CNTNAP2: variants seen among roughly 807,000 people sequenced by gnomAD.
CNTNAP2 encodes the protein contactin associated protein 2.
In CNTNAP2, 98 loss-of-function variants were observed where a neutral mutation model predicts 155.2. The ratio of observed to expected loss-of-function variants is 0.63; its 90% CI spans 0.54 to 0.75. The LOEUF (loss-of-function observed/expected upper bound fraction) is 0.75, where lower values mean the gene tolerates loss of function less well. Ranked by LOEUF, CNTNAP2 falls within the 30% of genes least tolerant of loss-of-function variation. CNTNAP2 has a pLI of 0.00. For synonymous variants in CNTNAP2, 651 were observed against 631.2 expected, an observed-to-expected ratio of 1.03 and a Z score of -0.47; for missense variants, 1,727 against 1,688.1, an observed-to-expected ratio of 1.02 and a Z score of -0.40.
At chr7:147,077,840 T>C (rs551932995) in intron 4 of CNTNAP2, among the ~76,000 whole-genome samples, 1 of 152,170 alleles carries the variant, frequency 6.6e-6, no homozygotes, top group Non-Finnish European at 1.5e-5. Context: ...ATATAGCAAG[T>C]ACTATATAAA....
intron 15 of CNTNAP2, among the ~76,000 whole-genome samples, chr7:147,997,685 G>T (rs1403973944): frequency 1.3e-5 from 2 of 152,206 alleles, no homozygotes; most frequent in Admixed American, 6.5e-5. Context: ...AGAGAGAGGA[G>T]TCAGGGTGGG....
chr7:146,368,798 T>C (rs1036077868), intron 1 of CNTNAP2, among the ~76,000 whole-genome samples: 6 of 151,276 alleles, frequency 4.0e-5, no homozygotes, highest in African/African-American at 7.3e-5. Flanking sequence ...TGCCAAGAAG[T>C]ATGGTAACAA....
At chr7:147,108,402 G>A (rs1554439087) in intron 5 of CNTNAP2, 52 bp downstream of exon 5, 2 of 1,458,430 alleles carry the variant, frequency 1.4e-6, no homozygotes, top group South Asian at 2.5e-5. Context: ...TTCCCATTAG[G>A]AATATGTTCA....
chr7:147,637,202 C>T (rs1178467463), intron 12 of CNTNAP2, among the ~76,000 whole-genome samples: 2 of 152,122 alleles, frequency 1.3e-5, no homozygotes, highest in African/African-American at 4.8e-5. Flanking sequence ...TTTGAAAAAC[C>T]TCACCCTGAC....
chr7:147,483,491 A>G (rs1161624303), intron 10 of CNTNAP2, among the ~76,000 whole-genome samples: 1 of 152,080 alleles, frequency 6.6e-6, no homozygotes, highest in Non-Finnish European at 1.5e-5. Flanking sequence ...TATCATCGAG[A>G]TGATTTTCTA....
intron 9 of CNTNAP2, among the ~76,000 whole-genome samples, chr7:147,301,600 G>C (rs1442689327): frequency 0.11 from 3,123 of 27,776 alleles, 62 homozygotes; most frequent in African/African-American, 0.25. Flanking sequence ...CTCTGTGTGT[G>C]TGTGTGTGTG....
At chr7:147,347,879 T>C (rs997168616) in intron 9 of CNTNAP2, among the ~76,000 whole-genome samples, 3 of 152,056 alleles carry the variant, frequency 2.0e-5, no homozygotes, top group African/African-American at 7.2e-5. Flanking sequence ...TTAATCTACA[T>C]GTCTATACAG....
In CNTNAP2 at chr7:148,418,089, A is replaced by G. The variant is rs1228141944; in HGVS notation, c.*2473A>G. On this transcript the variant is annotated 3_prime_UTR_variant, in exon 24 of 24. Transcript: ENST00000361727. ...CAGGAAACCAAACGGTGGATAAAGT[A>G]TTAAGTAACTAAGTGCCAAATAAAT... 6.6e-6 allele frequency: 1 copy of G among 152,254 alleles called. No homozygotes were observed. Among genetic ancestry groups the G allele is most frequent in the Non-Finnish European group, 1.5e-5 (1 of 68,052 alleles). 9.4% of individuals were successfully genotyped at this position (152,254 alleles called of 1,614,324 possible).
At chr7:147,869,495 G>C (rs1799291629) in intron 13 of CNTNAP2, among the ~76,000 whole-genome samples, 1 of 152,118 alleles carries the variant, frequency 6.6e-6, no homozygotes, top group Non-Finnish European at 1.5e-5. Flanking sequence ...CAGACAAAGT[G>C]AAAAAGAAAT....
chr7:146,655,828 G>A (rs1260779336), intron 1 of CNTNAP2, among the ~76,000 whole-genome samples: 2 of 152,100 alleles, frequency 1.3e-5, no homozygotes, highest in Non-Finnish European at 2.9e-5. Flanking sequence ...ATCCTCATAA[G>A]ACCAGTATTC....
In CNTNAP2 at chr7:147,804,546, G is replaced by GTTT. The variant is rs112502971; in HGVS notation, c.2099-99014_2099-99012dup. ...CACCCACTCTCTTGCTTCAGTTTTT[G>GTTT]TTTTTTTGTTTGTTTGTTTTATTTT... On this transcript the variant is annotated intron_variant, in intron 13 of 23. Coordinates refer to ENST00000361727, the MANE Select transcript of CNTNAP2 (RefSeq NM_014141.6). Among the ~76,000 whole-genome samples, 6 of 141,798 alleles carry GTTT rather than the reference G, an allele frequency of 4.2e-5. 1 individual carries two copies. The South Asian group carries it at 6.3e-4, about 15-fold the overall frequency. 93.0% of individuals were successfully genotyped at this position (141,798 alleles called of 152,430 possible).
At chr7:148,173,038 C>T (rs1181102810) in intron 18 of CNTNAP2, among the ~76,000 whole-genome samples, 2 of 152,206 alleles carry the variant, frequency 1.3e-5, no homozygotes, top group Non-Finnish European at 2.9e-5. Flanking sequence ...TGCAGAAATG[C>T]TGAAAAACCA....
chr7:148,058,907 AG>A, intron 15 of CNTNAP2, among the ~76,000 whole-genome samples: 1 of 152,282 alleles, frequency 6.6e-6, no homozygotes, highest in East Asian at 1.9e-4. Flanking sequence ...AGGGGCACAC[AG>A]GGGGTGTCTG....
In CNTNAP2 at chr7:147,319,380, ATGT is replaced by A. The variant is rs200479199; in HGVS notation, c.1498+19092_1498+19094del. ...TTTCCTTTGCACTTATATATAAGTA[ATGT>A]TATTTTGTTTTAAGACAACAGTCTC... is the stretch of plus-strand genomic sequence containing the variant. On this transcript the variant is annotated intron_variant, in intron 9 of 23. Coordinates refer to ENST00000361727, the MANE Select transcript of CNTNAP2 (RefSeq NM_014141.6). 4.2e-4 allele frequency among the ~76,000 whole-genome samples: 64 copies of A among 152,138 alleles called. No individual in the cohort carries two copies. In the East Asian group the frequency reaches 0.012, roughly 28 times the overall value.
At position 146,486,444 on chromosome 7, in the gene CNTNAP2, C is replaced by CA. The variant is rs571992971; in HGVS notation, c.98-287820dup. ...TAATCATGCTAGGGTTGTTTTAAAG[C>CA]AAAAAAATAAAAAGTTATCTGAGAC... On this transcript the variant is annotated intron_variant, in intron 1 of 23. Transcript: ENST00000361727. Among the ~76,000 whole-genome samples the CA allele has an allele frequency of 9.9e-5, 15 of 151,790 alleles. No individual in the cohort carries two copies. The South Asian group carries it at 1.7e-3, about 17-fold the overall frequency.
At chr7:147,035,515 A>G (rs546625651) in intron 3 of CNTNAP2, among the ~76,000 whole-genome samples, 1 of 152,306 alleles carries the variant, frequency 6.6e-6, no homozygotes, top group Admixed American at 6.5e-5. Context: ...AGAATAGTCA[A>G]TATGTGTTTC....
At chr7:147,767,896 T>A (rs1348179114) in intron 13 of CNTNAP2, among the ~76,000 whole-genome samples, 1 of 152,132 alleles carries the variant, frequency 6.6e-6, no homozygotes, top group East Asian at 1.9e-4. Context: ...AAGGAGATTA[T>A]GTTTTTTCTA....
intron 1 of CNTNAP2, among the ~76,000 whole-genome samples, chr7:146,163,777 A>G (rs1584781456): frequency 1.3e-5 from 2 of 152,030 alleles, no homozygotes; most frequent in Non-Finnish European, 2.9e-5. Flanking sequence ...GTGTGTTTGT[A>G]AGGAAGAGGG....
chr7:147,616,737 T>G (rs1801301436), intron 12 of CNTNAP2, among the ~76,000 whole-genome samples: 1 of 152,052 alleles, frequency 6.6e-6, no homozygotes, highest in Non-Finnish European at 1.5e-5. Flanking sequence ...TGTTAGATAT[T>G]TGTTTGTTTT....
Sources: gnomAD v4.1 joint callset for allele counts (sites outside exome capture counted in the v4.1 genomes callset) on GRCh38, gnomAD v4.1.1 for gene constraint, MANE v1.5 for transcripts, NCBI Gene and HGNC (gene_info 2026-07-23, HGNC 2026-07-21) for gene names.